The following DBI variants were observed in gnomAD, a reference collection of about 807,000 sequenced individuals.
DBI encodes the protein acyl-CoA-binding protein.
DBI carries 12 observed loss-of-function variants against 13.0 expected under a neutral mutation model. That is an observed-to-expected ratio of 0.92 (90% CI 0.59 to 1.49). The LOEUF (loss-of-function observed/expected upper bound fraction) is 1.49, where lower values mean the gene tolerates loss of function less well. Among genes scored for constraint, DBI ranks in the 40% most tolerant of loss-of-function variants. The pLI is 0.00. For missense variants in DBI, 95 were observed against 104.8 expected (o/e 0.91, Z 0.41); for synonymous variants, 37 against 37.4 (o/e 0.99, Z 0.04).
chr2:119,372,409 GA>G lies in DBI; in HGVS notation c.*95del. 3 of 1,016,082 alleles carry G rather than the reference GA, an allele frequency of 3.0e-6. No individual in the cohort carries two copies. The highest frequency in any genetic ancestry group is 2.7e-5 in the South Asian group (2 of 73,602). 62.9% of individuals were successfully genotyped at this position (1,016,082 alleles called of 1,614,324 possible). A position where few individuals can be genotyped will look rare whatever the true frequency, so the allele number is the denominator to read the frequency against. ...AATACCGTGGATGGTGGGAATTCGG[GA>G]AAATAACCAGTTAAACCAGCTACTC... On this transcript the variant is annotated 3_prime_UTR_variant, in exon 4 of 4. Coordinates refer to ENST00000355857, the MANE Select transcript of DBI (RefSeq NM_001079862.4).
intron 2 of DBI, 181 bp downstream of exon 2, chr2:119,368,486 A>G (rs2104685708): frequency 3.4e-6 from 2 of 589,526 alleles, no homozygotes. Context: ...TCCAGTAGTA[A>G]CAGAATTCAA....
chr2:119,369,649 G>A lies in DBI; in HGVS notation c.128-1091G>A, dbSNP rs141236756. ...AAAAATACAAAAATTAGCTGGGCAT[G>A]GTGGCATATGCCTGTAGTCCCAGCT... is the stretch of plus-strand genomic sequence containing the variant. On this transcript the variant is annotated intron_variant, in intron 2 of 3. Transcript: ENST00000355857. Among the ~76,000 whole-genome samples, 247 of 152,250 alleles carry A rather than the reference G, an allele frequency of 1.6e-3. 3 individuals are homozygous for A. Among genetic ancestry groups the A allele is most frequent in the African/African-American group, 5.7e-3 (237 of 41,536 alleles).
At chr2:119,371,329 G>A (rs528509886) in intron 3 of DBI, among the ~76,000 whole-genome samples, 7 of 152,280 alleles carry the variant, frequency 4.6e-5, no homozygotes, top group South Asian at 4.1e-4. Flanking sequence ...ACTTAATCAC[G>A]TGCCACCTGC....
intron 2 of DBI, chr2:119,370,484 G>T (rs539610434): frequency 6.3e-6 from 2 of 315,080 alleles, no homozygotes; most frequent in Admixed American, 9.8e-5. Flanking sequence ...GAGAAATTTT[G>T]GAGTCATTTA....
chr2:119,367,951 G>C (rs751590793), intron 1 of DBI: 2 of 1,614,206 alleles, frequency 1.2e-6, no homozygotes, highest in South Asian at 2.2e-5. Context: ...CTGGATATAT[G>C]GTTTTCGATT....
intron 1 of DBI, 159 bp from the exon 2 acceptor site, chr2:119,368,029 A>C (rs1681192795): frequency 2.5e-6 from 4 of 1,577,056 alleles, no homozygotes; most frequent in Non-Finnish European, 3.5e-6. Flanking sequence ...CTGTTGGGGC[A>C]GGGAGGGGCA....
intron 1 of DBI, 23 bp downstream of exon 1, chr2:119,367,083 C>T: frequency 6.2e-7 from 1 of 1,613,678 alleles, no homozygotes. Flanking sequence ...CACAGCCAGG[C>T]TGCGAAGGTG....
intron 1 of DBI, chr2:119,367,524 G>A (rs779241227): frequency 6.2e-7 from 1 of 1,605,126 alleles, no homozygotes; most frequent in Non-Finnish European, 8.5e-7. Context: ...GCGGCCCGGG[G>A]AGAGGTGACC....
chr2:119,372,187 G>T, intron 3 of DBI, 58 bp from the exon 4 acceptor site: 1 of 1,320,316 alleles, frequency 7.6e-7, no homozygotes, highest in Non-Finnish European at 1.1e-6. Context: ...GGCTCTGGAG[G>T]CTGCTTGTTT....
chr2:119,368,410 C>T, intron 2 of DBI, 105 bp downstream of exon 2: 1 of 809,884 alleles, frequency 1.2e-6, no homozygotes, highest in Non-Finnish European at 2.1e-6. Context: ...TGAGGCCCTA[C>T]TCTTCAGGTG....
At chr2:119,370,532 G>C in intron 2 of DBI, 1 of 405,794 alleles carries the variant, frequency 2.5e-6, no homozygotes, top group South Asian at 8.2e-5. Flanking sequence ...TAAGAATACT[G>C]TTCTTCCTAT....
At position 119,367,839 on chromosome 2, in the gene DBI, G is replaced by A. The variant is rs1294991162; in HGVS notation, c.10-349G>A. ...CCCGGTGGTGGCCAGGCAGTTGGCC[G>A]CGCTGCTTCTCCCGCAGAGGGGACC... On this transcript the variant is annotated intron_variant, in intron 1 of 3. Transcript: ENST00000355857. 1.5e-5 allele frequency: 24 copies of A among 1,613,280 alleles called. 1 individual carries two copies. The highest frequency in any genetic ancestry group is 1.8e-4 in the Middle Eastern group (1 of 5,446).
Position 119,368,262 on chromosome 2 carries a change from C to G in DBI, c.84C>G (p.Ile28Met), listed in dbSNP as rs141778120. Reference sequence around the variant, plus strand: ...CATCGGATGAGGAGATGCTGTTCATCTATGGCCACTACAAACAAGCAACTG... The same window carrying G: ...CATCGGATGAGGAGATGCTGTTCATGTATGGCCACTACAAACAAGCAACTG... ...TKPSDEEMLF[I>M]YGHYKQATVG... Residue 28 changes from isoleucine (I) to methionine (M), a missense_variant, in exon 2 of 4, where the codon ATC (isoleucine) becomes ATG (methionine). Physicochemically the swap from Ile to Met is conservative, Grantham distance 10 (BLOSUM62 1). Transcript: ENST00000355857. The G allele has an allele frequency of 5.9e-5, 96 of 1,614,146 alleles. No individual in the cohort carries two copies. The highest frequency in any genetic ancestry group is 7.5e-5 in the Non-Finnish European group (89 of 1,180,018).
chr2:119,367,559 T>G (rs1300931840), intron 1 of DBI: 21 of 1,613,804 alleles, frequency 1.3e-5, no homozygotes, highest in Non-Finnish European at 1.8e-5. Context: ...TTCTCTCCAG[T>G]GTAGACCCTT....
intron 1 of DBI, chr2:119,367,771 G>C: frequency 4.3e-6 from 7 of 1,609,250 alleles, no homozygotes; most frequent in Non-Finnish European, 5.9e-6. Context: ...TCTGTCCTCA[G>C]GCCAGGGCTT....
chr2:119,371,184 C>G (rs1040966673), intron 3 of DBI, among the ~76,000 whole-genome samples: 2 of 152,192 alleles, frequency 1.3e-5, no homozygotes, highest in Non-Finnish European at 2.9e-5. Context: ...GTGGCCCTCC[C>G]CAGTTCCTTC....
At chr2:119,370,371 G>A (rs1241647807) in intron 2 of DBI, 1 of 159,690 alleles carries the variant, frequency 6.3e-6, no homozygotes, top group Admixed American at 6.4e-5. Context: ...AACAGCAGGG[G>A]TGAGAGAGAA....
chr2:119,367,326 G>A, intron 1 of DBI: 1 of 1,437,852 alleles, frequency 7.0e-7, no homozygotes, highest in African/African-American at 1.4e-5. Flanking sequence ...GGTGGGAGTC[G>A]AGGGTGCTTG....
chr2:119,367,473 A>G (rs540440985), intron 1 of DBI: 2 of 1,591,004 alleles, frequency 1.3e-6, no homozygotes, highest in East Asian at 4.5e-5. Flanking sequence ...GGTCAGGGGA[A>G]GTACGGGGCC....
Sources: gnomAD v4.1 joint callset for allele counts (sites outside exome capture counted in the v4.1 genomes callset) on GRCh38, gnomAD v4.1.1 for gene constraint, MANE v1.5 for transcripts, NCBI Gene and HGNC (gene_info 2026-07-23, HGNC 2026-07-21) for gene names.